The following MSL2 variants were observed in gnomAD, a reference collection of about 807,000 sequenced individuals.
The protein encoded by MSL2 is MSL complex subunit 2, also known as E3 ubiquitin-protein ligase MSL2.
MSL2 carries 2 observed loss-of-function variants against 35.8 expected under a neutral mutation model. That is an observed-to-expected ratio of 0.06 (90% CI 0.02 to 0.18). The LOEUF (loss-of-function observed/expected upper bound fraction) is 0.18. MSL2 is among the 10% of genes least tolerant of loss of function. The probability of loss-of-function intolerance (pLI) is 1.00; values close to 1 mark genes in which losing one functional copy is unlikely to be tolerated. For missense variants in MSL2, 523 were observed against 706.7 expected (o/e 0.74, Z 2.95); for synonymous variants, 296 against 255.7 (o/e 1.16, Z -1.50).
At chr3:136,165,286 A>T (rs1576361846) in intron 1 of MSL2, among the ~76,000 whole-genome samples, 1 of 152,140 alleles carries the variant, frequency 6.6e-6, no homozygotes, top group East Asian at 1.9e-4. Context: ...CCTTTTCATA[A>T]GTGGACATAT....
chr3:136,153,348 A>G (rs1184109805), intron 1 of MSL2, among the ~76,000 whole-genome samples: 1 of 152,228 alleles, frequency 6.6e-6, no homozygotes, highest in Non-Finnish European at 1.5e-5. Context: ...AACAGATATG[A>G]GTAAGAGAGA....
intron 1 of MSL2, among the ~76,000 whole-genome samples, chr3:136,157,437 G>A (rs1939566561): frequency 1.3e-5 from 2 of 152,156 alleles, no homozygotes. Context: ...TGGGAGGAGA[G>A]GTTGCAGTGA....
chr3:136,186,366 T>C (rs1940524022), intron 1 of MSL2, among the ~76,000 whole-genome samples: 1 of 152,194 alleles, frequency 6.6e-6, no homozygotes, highest in Non-Finnish European at 1.5e-5. Flanking sequence ...AACCTAAGCA[T>C]ATCCTCCTCT....
chr3:136,175,185 A>T (rs1466649432), intron 1 of MSL2, among the ~76,000 whole-genome samples: 1 of 152,092 alleles, frequency 6.6e-6, no homozygotes, highest in Non-Finnish European at 1.5e-5. Flanking sequence ...CTCTACTAAA[A>T]ATACAAAAAG....
In MSL2 at chr3:136,152,002, G is replaced by T; in HGVS notation, c.879C>A (p.Asn293Lys). ...TEVCCPNLQPNLEATVSNGPF... is the reference protein window; with the variant it reads ...TEVCCPNLQPKLEATVSNGPF... Reference sequence around the variant, plus strand: ...GTCCATTGGATACAGTGGCTTCCAAGTTCGGCTGCAAATTAGGGCAACAGA... The same window carrying T: ...GTCCATTGGATACAGTGGCTTCCAATTTCGGCTGCAAATTAGGGCAACAGA... Residue 293 changes from asparagine to lysine, a missense_variant, in exon 2 of 2, where the codon AAC becomes AAA. This residue lies in a region of MSL2 where 361 missense variants were observed against 414.6 expected (regional missense o/e 0.87). Transcript: ENST00000309993. 1 of 1,614,240 alleles carries T rather than the reference G, an allele frequency of 6.2e-7. No individual in the cohort carries two copies. The highest frequency in any genetic ancestry group is 8.5e-7 in the Non-Finnish European group (1 of 1,180,044).
intron 1 of MSL2, among the ~76,000 whole-genome samples, chr3:136,166,143 C>A (rs1011818544): frequency 1.4e-5 from 2 of 144,284 alleles, no homozygotes; most frequent in African/African-American, 5.0e-5. Context: ...AATCCCAGTA[C>A]TTTGGGAGGC....
intron 1 of MSL2, among the ~76,000 whole-genome samples, chr3:136,191,504 CCA>C (rs1940689399): frequency 6.6e-6 from 1 of 150,904 alleles, no homozygotes; most frequent in Non-Finnish European, 1.5e-5. Context: ...AGGCCAGGAG[CCA>C]CAGTGGCTTA....
intron 1 of MSL2, among the ~76,000 whole-genome samples, chr3:136,186,210 C>T (rs1940518505): frequency 6.6e-6 from 1 of 152,200 alleles, no homozygotes; most frequent in Non-Finnish European, 1.5e-5. Flanking sequence ...ATGTCTGTGT[C>T]AAACTGCCAG....
intron 1 of MSL2, chr3:136,155,927 AC>A: frequency 5.6e-6 from 3 of 539,488 alleles, no homozygotes; most frequent in South Asian, 4.3e-5. Context: ...GGTTTCCAAT[AC>A]TCCAGAACTA....
At chr3:136,192,176 C>G (rs1236835029) in intron 1 of MSL2, among the ~76,000 whole-genome samples, 1 of 152,088 alleles carries the variant, frequency 6.6e-6, no homozygotes, top group Non-Finnish European at 1.5e-5. Context: ...AGAAAGATAA[C>G]TTTTTTATTT....
intron 1 of MSL2, chr3:136,194,698 C>A: frequency 2.4e-6 from 1 of 424,898 alleles, no homozygotes; most frequent in Non-Finnish European, 4.0e-6. Flanking sequence ...TGCATCTTAC[C>A]CCCACTTAAA....
chr3:136,172,918 C>G (rs1436997109), intron 1 of MSL2, among the ~76,000 whole-genome samples: 1 of 152,180 alleles, frequency 6.6e-6, no homozygotes, highest in Non-Finnish European at 1.5e-5. Flanking sequence ...AATCCCAGTA[C>G]TTTGGGAGGC....
chr3:136,152,752 G>A lies in MSL2; in HGVS notation c.143-14C>T. ...GTAGCAAATGTCCTAAGGGGGAGAA[G>A]GAGGAAAGCAAAGATTTTAGTAAAA... On this transcript the variant is annotated splice_polypyrimidine_tract_variant and intron_variant, in intron 1 of 1. Coordinates refer to ENST00000309993, the MANE Select transcript of MSL2 (RefSeq NM_018133.4). 8 of 1,601,994 alleles carry A rather than the reference G, an allele frequency of 5.0e-6. No homozygotes were observed. The highest frequency in any genetic ancestry group is 6.8e-6 in the Non-Finnish European group (8 of 1,173,796).
At chr3:136,191,727 C>A (rs983164231) in intron 1 of MSL2, among the ~76,000 whole-genome samples, 1 of 151,748 alleles carries the variant, frequency 6.6e-6, no homozygotes. Flanking sequence ...GAGCTAGGAT[C>A]GCACCACTGC....
intron 1 of MSL2, among the ~76,000 whole-genome samples, chr3:136,180,564 G>A (rs1940311180): frequency 6.6e-6 from 1 of 151,480 alleles, no homozygotes; most frequent in South Asian, 2.1e-4. Flanking sequence ...GCCGGGCACG[G>A]AGGCTGGCAC....
In MSL2 at chr3:136,150,620, C is replaced by G. The variant is rs1939332657; in HGVS notation, c.*527G>C. On this transcript the variant is annotated 3_prime_UTR_variant, in exon 2 of 2. Coordinates refer to ENST00000309993, the MANE Select transcript of MSL2 (RefSeq NM_018133.4). ...CTGATTTAAGAACTGCTACATACAC[C>G]AGTAGCCAATATTTCATGATCAGAA... 6.5e-6 allele frequency: 1 copy of G among 154,912 alleles called. No homozygotes were observed. Among genetic ancestry groups the G allele is most frequent in the South Asian group, 2.0e-4 (1 of 5,038 alleles). The allele number at this position is 154,912 out of a possible 1,614,324, so 9.6% of individuals were successfully genotyped here. A position where few individuals can be genotyped will look rare whatever the true frequency, so the allele number is the denominator to read the frequency against.
At chr3:136,174,862 T>C (rs543681702) in intron 1 of MSL2, among the ~76,000 whole-genome samples, 6 of 152,344 alleles carry the variant, frequency 3.9e-5, no homozygotes, top group Admixed American at 2.6e-4. Flanking sequence ...TGTGTATGCA[T>C]AATGTATTCA....
At position 136,195,514 on chromosome 3, in the gene MSL2, G is replaced by C. The variant is rs1576382578; in HGVS notation, c.-401C>G. The C allele has an allele frequency of 3.0e-6, 3 of 1,013,318 alleles. No homozygotes were observed. The highest frequency in any genetic ancestry group is 1.0e-4 in the East Asian group (1 of 9,574). The allele number at this position is 1,013,318 out of a possible 1,614,324, so 62.8% of individuals were successfully genotyped here. ...GGCGCCTCCTCAAGTCGAGCTGGCA[G>C]GCGCGGGAGCAGGCCCCGGCCCCGT... On this transcript the variant is annotated 5_prime_UTR_variant, in exon 1 of 2. Coordinates refer to ENST00000309993, the MANE Select transcript of MSL2 (RefSeq NM_018133.4).
chr3:136,196,013 GAGCACGACGGCCGCCGCCGCCCTC>G lies in MSL2; in HGVS notation c.-924_-901del, dbSNP rs1940834112. ...CACACACACAGACGACTCCTCCGCC[GAGCACGACGGCCGCCGCCGCCCTC>G]AGCACTCCCCGGCCGCGGAAGGCAA... On this transcript the variant is annotated 5_prime_UTR_variant, in exon 1 of 2. Transcript: ENST00000309993. The G allele has an allele frequency of 5.6e-6, 1 of 178,064 alleles. No homozygotes were observed. The highest frequency in any genetic ancestry group is 2.4e-5 in the African/African-American group (1 of 41,726). The allele number at this position is 178,064 out of a possible 1,614,324, so 11.0% of individuals were successfully genotyped here.
Sources: allele counts gnomAD v4.1 joint callset (sites outside exome capture counted in the v4.1 genomes callset), GRCh38; gene constraint gnomAD v4.1.1; regional missense constraint gnomAD v4.1.1; transcripts MANE v1.5; gene names NCBI Gene and HGNC (gene_info 2026-07-23, HGNC 2026-07-21).